CCDC141: variants seen among roughly 807,000 people sequenced by gnomAD.
CCDC141 encodes the protein coiled-coil domain-containing protein 141.
CCDC141 carries 168 observed loss-of-function variants against 181.0 expected under a neutral mutation model. That is an observed-to-expected ratio of 0.93 (90% confidence interval 0.82 to 1.05). The LOEUF (loss-of-function observed/expected upper bound fraction) is 1.05. Ranked by LOEUF, CCDC141 falls within the 50% of genes least tolerant of loss-of-function variation. CCDC141 has a pLI of 0.00. For missense variants in CCDC141, 1,902 were observed against 1,788.5 expected (o/e 1.06, Z -1.14); for synonymous variants, 666 against 642.3 (o/e 1.04, Z -0.56).
chr2:178,972,203 C>A (rs1690921368), intron 4 of CCDC141, among the ~76,000 whole-genome samples: 1 of 152,082 alleles, frequency 6.6e-6, no homozygotes, highest in Non-Finnish European at 1.5e-5. Flanking sequence ...TAAGAAGACC[C>A]TTAGAAAACT....
chr2:179,044,700 C>T (rs1443710556), intron 2 of CCDC141, among the ~76,000 whole-genome samples: 5 of 152,184 alleles, frequency 3.3e-5, no homozygotes, highest in Non-Finnish European at 7.3e-5. Context: ...TTAGCTTCAG[C>T]AGAAACAGTT....
chr2:178,930,948 GATAA>G (rs778751860), intron 6 of CCDC141, among the ~76,000 whole-genome samples: 11 of 152,044 alleles, frequency 7.2e-5, no homozygotes, highest in South Asian at 2.1e-4. Flanking sequence ...ATTTAAGATA[GATAA>G]ATAAAACTTT....
chr2:178,851,809 T>C (rs1685176217), intron 20 of CCDC141, among the ~76,000 whole-genome samples: 1 of 152,238 alleles, frequency 6.6e-6, no homozygotes, highest in Admixed American at 6.5e-5. Flanking sequence ...TAGGTCTTAA[T>C]TGTCTTTATA....
intron 8 of CCDC141, among the ~76,000 whole-genome samples, chr2:178,901,476 C>T (rs539935860): frequency 6.6e-6 from 1 of 152,190 alleles, no homozygotes; most frequent in South Asian, 2.1e-4. Flanking sequence ...AAATGTAATC[C>T]AGCATATAAA....
intron 5 of CCDC141, among the ~76,000 whole-genome samples, chr2:178,950,504 T>C (rs1689909572): frequency 1.3e-5 from 2 of 152,236 alleles, no homozygotes; most frequent in Non-Finnish European, 2.9e-5. Flanking sequence ...GTGTTGCTGA[T>C]GTTTGTACCT....
Position 178,909,706 on chromosome 2 carries a change from C to T in CCDC141, c.1093-4205G>A, listed in dbSNP as rs563099295. 2.0e-5 allele frequency among the ~76,000 whole-genome samples: 3 copies of T among 152,272 alleles called. No individual in the cohort carries two copies. In the South Asian group the frequency reaches 6.2e-4, roughly 32 times the overall value. On this transcript the variant is annotated intron_variant, in intron 7 of 23. Transcript: ENST00000443758. The stretch of plus-strand genomic sequence containing the variant: ...ACTGAGTGCTTTTCTATTTACCATA[C>T]CCATAAAGAACCTGATATATCGGAC...
At chr2:179,015,924 CATATA>C (rs1046830835) in intron 2 of CCDC141, among the ~76,000 whole-genome samples, 2 of 115,858 alleles carry the variant, frequency 1.7e-5, no homozygotes, top group African/African-American at 7.0e-5. Context: ...TCATATATAT[CATATA>C]ATTTCATATA....
chr2:178,825,095 T>C (rs1415290676), downstream of CCDC141, among the ~76,000 whole-genome samples: 1 of 152,166 alleles, frequency 6.6e-6, no homozygotes, highest in Non-Finnish European at 1.5e-5. Context: ...ACAAAACAAT[T>C]AGTTGCATTG....
chr2:178,981,624 ATG>A (rs112793035), intron 2 of CCDC141, among the ~76,000 whole-genome samples: 2 of 128,740 alleles, frequency 1.6e-5, no homozygotes, highest in Non-Finnish European at 3.2e-5. Flanking sequence ...GTAGCATTGA[ATG>A]TGTGTGTGTG....
chr2:178,908,552 C>A (rs1004415936), intron 7 of CCDC141, among the ~76,000 whole-genome samples: 1 of 152,190 alleles, frequency 6.6e-6, no homozygotes, highest in Non-Finnish European at 1.5e-5. Flanking sequence ...AAATCATCTT[C>A]AACTCCCTTA....
intron 8 of CCDC141, among the ~76,000 whole-genome samples, chr2:178,896,343 C>T (rs925607699): frequency 2.6e-5 from 4 of 152,170 alleles, no homozygotes; most frequent in African/African-American, 7.2e-5. Context: ...ATGGGCCCCT[C>T]GTGCCTGGAG....
At chr2:179,034,468 G>A (rs1273663848) in intron 2 of CCDC141, among the ~76,000 whole-genome samples, 1 of 152,160 alleles carries the variant, frequency 6.6e-6, no homozygotes, top group Non-Finnish European at 1.5e-5. Context: ...TCCCTAAAGA[G>A]CAAACCTGCA....
At chr2:178,974,125 T>G (rs1691019283) in intron 4 of CCDC141, among the ~76,000 whole-genome samples, 1 of 152,122 alleles carries the variant, frequency 6.6e-6, no homozygotes, top group Non-Finnish European at 1.5e-5. Flanking sequence ...TTTAGAAAGT[T>G]GTAATAAGTA....
chr2:178,891,574 AG>A (rs1242551284), intron 8 of CCDC141, among the ~76,000 whole-genome samples: 1 of 135,758 alleles, frequency 7.4e-6, no homozygotes, highest in African/African-American at 2.5e-5. Context: ...GGCTTTTCTA[AG>A]TAATGCAATG....
intron 20 of CCDC141, among the ~76,000 whole-genome samples, chr2:178,851,613 G>C (rs1168074467): frequency 6.6e-6 from 1 of 152,134 alleles, no homozygotes; most frequent in African/African-American, 2.4e-5. Flanking sequence ...AACCCTGCTG[G>C]CATCTTCATC....
At chr2:178,903,896 C>A (rs891610682) in intron 8 of CCDC141, among the ~76,000 whole-genome samples, 2 of 151,992 alleles carry the variant, frequency 1.3e-5, no homozygotes, top group African/African-American at 2.4e-5. Context: ...TGTGACTGGA[C>A]CATTTTGAAA....
At chr2:178,882,208 TA>T (rs1248894748) in intron 11 of CCDC141, among the ~76,000 whole-genome samples, 2 of 151,838 alleles carry the variant, frequency 1.3e-5, no homozygotes, top group Non-Finnish European at 2.9e-5. Flanking sequence ...CCCTCTCTAC[TA>T]AAAATACAAA....
chr2:178,903,182 T>A lies in CCDC141; in HGVS notation c.1265+2147A>T, dbSNP rs528560852. Among the ~76,000 whole-genome samples, 15 of 147,410 alleles carry A rather than the reference T, an allele frequency of 1.0e-4. No individual in the cohort carries two copies. In the East Asian group the frequency reaches 3.0e-3, roughly 29 times the overall value. On this transcript the variant is annotated intron_variant, in intron 8 of 23. Transcript: ENST00000443758. ...TGGGACTGTAAACTAGTTCAACCAT[T>A]GTGGAAGTCAGTGTGGCGATTCCTC...
chr2:178,825,729 G>A (rs1020500011), downstream of CCDC141, among the ~76,000 whole-genome samples: 2 of 150,612 alleles, frequency 1.3e-5, no homozygotes, highest in Non-Finnish European at 1.5e-5. Flanking sequence ...ATGGAAAAGG[G>A]GCAATTTCTT....
Sources: gnomAD v4.1 joint callset for allele counts (sites outside exome capture counted in the v4.1 genomes callset) on GRCh38, gnomAD v4.1.1 for gene constraint, MANE v1.5 for transcripts, NCBI Gene and HGNC (gene_info 2026-07-23, HGNC 2026-07-21) for gene names.